TAF15: variants seen among roughly 807,000 people sequenced by gnomAD.
TAF15 encodes TATA-binding protein-associated factor 2N.
TAF15 carries 37 observed loss-of-function variants against 102.5 expected under a neutral mutation model. That is an observed-to-expected ratio of 0.36 (90% CI 0.28 to 0.47). The LOEUF is 0.47. TAF15 is among the 20% of genes least tolerant of loss of function. TAF15 has a pLI of 0.99. For missense variants in TAF15, 652 were observed against 760.7 expected, an observed-to-expected ratio of 0.86 and a Z score of 1.68; for synonymous variants, 273 against 259.2, an observed-to-expected ratio of 1.05 and a Z score of -0.51.
chr17:35,845,284 T>A (rs1391298874), intron 15 of TAF15, among the ~76,000 whole-genome samples: 2 of 152,202 alleles, frequency 1.3e-5, no homozygotes, highest in Non-Finnish European at 2.9e-5. Flanking sequence ...AGACAGGGTC[T>A]TGCTCTGTCA....
At chr17:35,827,358 C>CT (rs1415145102) in intron 7 of TAF15, among the ~76,000 whole-genome samples, 1 of 149,040 alleles carries the variant, frequency 6.7e-6, no homozygotes, top group Admixed American at 6.7e-5. Context: ...AAAAATAGTT[C>CT]TTTTGGGGGC....
intron 1 of TAF15, 102 bp downstream of exon 1, chr17:35,809,678 C>G: frequency 6.5e-7 from 1 of 1,534,448 alleles, no homozygotes; most frequent in Non-Finnish European, 9.0e-7. Flanking sequence ...AGCCTCCGGC[C>G]CTGAGGGAGG....
At chr17:35,829,368 C>T (rs1474008823) in intron 7 of TAF15, among the ~76,000 whole-genome samples, 1 of 149,938 alleles carries the variant, frequency 6.7e-6, no homozygotes, top group East Asian at 1.9e-4. Context: ...GCGTGGTAGT[C>T]ATGCCTGTGA....
intron 7 of TAF15, among the ~76,000 whole-genome samples, chr17:35,827,598 C>G (rs759528470): frequency 5.9e-5 from 9 of 151,680 alleles, no homozygotes; most frequent in Non-Finnish European, 1.2e-4. Flanking sequence ...CCCAGCTACT[C>G]GGGAGGCTGA....
intron 11 of TAF15, among the ~76,000 whole-genome samples, chr17:35,841,898 A>ACGTT (rs2087552345): frequency 6.6e-6 from 1 of 152,090 alleles, no homozygotes; most frequent in South Asian, 2.1e-4. Flanking sequence ...GGGTCTCATT[A>ACGTT]CGTTCCTCAG....
rs181636519 is a variant in TAF15, at chr17:35,844,940, A to G, written c.1641A>G (p.Gly547=). 1 of 1,611,140 alleles carries G rather than the reference A, an allele frequency of 6.2e-7. No homozygotes were observed. Among genetic ancestry groups the G allele is most frequent in the Non-Finnish European group, 8.5e-7 (1 of 1,179,076 alleles). The part of the protein sequence containing the change: ...GGSGYGGDRS[G]GYGGDRSGGG... ...GTGGCTACGGTGGAGACCGAAGTGG[A>G]GGCTATGGAGGAGACAGGAGTGGTG... The change falls in exon 15 of 16, where the codon GGA becomes GGG. Residue 547 remains glycine, a synonymous_variant. Transcript: ENST00000605844.
intron 1 of TAF15, chr17:35,811,076 C>T (rs1202075638): frequency 1.3e-5 from 2 of 152,110 alleles, no homozygotes; most frequent in Admixed American, 6.5e-5. Context: ...ATCATCTACC[C>T]GTGGTTTAAA....
rs576344019 is a variant in TAF15, at chr17:35,841,278, A to G, written c.914-1089A>G. Among the ~76,000 whole-genome samples the G allele has an allele frequency of 7.2e-5, 11 of 152,384 alleles. 1 individual carries two copies. The East Asian group carries it at 1.7e-3, about 24-fold the overall frequency. On this transcript the variant is annotated intron_variant, in intron 11 of 15. Transcript: ENST00000605844. ...TGATCTTGTGTCCCCTAGTAAGCAC[A>G]GTAGGCAATGCATATAAGCATATGT... is the stretch of plus-strand genomic sequence containing the variant.
At chr17:35,838,327 G>A in intron 10 of TAF15, 97 bp from the exon 11 acceptor site, 1 of 1,523,066 alleles carries the variant, frequency 6.6e-7, no homozygotes, top group Non-Finnish European at 9.0e-7. Flanking sequence ...ATGAATGTGT[G>A]AATTCCTTGT....
chr17:35,814,866 G>GTC (rs1196612400), intron 1 of TAF15, among the ~76,000 whole-genome samples: 43 of 150,662 alleles, frequency 2.9e-4, no homozygotes, highest in African/African-American at 9.4e-4. Flanking sequence ...AAAAAAAAGT[G>GTC]TGTGTGTATA....
In TAF15 at chr17:35,824,129, G is replaced by A. The variant is rs746261562; in HGVS notation, c.536G>A (p.Gly179Glu). 2 of 1,614,086 alleles carry A rather than the reference G, an allele frequency of 1.2e-6. No homozygotes were observed. The highest frequency in any genetic ancestry group is 1.7e-6 in the Non-Finnish European group (2 of 1,180,018). The change falls in exon 7 of 16, where the codon GGG (glycine) becomes GAG (glutamate). Residue 179 changes from glycine to glutamate, a missense_variant. Physicochemically the swap from Gly to Glu is moderately conservative, Grantham distance 98. Transcript: ENST00000605844. ...GGAGAAGATAATAGAGGATATGGCG[G>A]GTCACAGGGAGGAGGTAGAGGGCGT... Reference protein sequence around the residue: ...RYGEDNRGYGGSQGGGRGRGG... With the variant: ...RYGEDNRGYGESQGGGRGRGG...
chr17:35,843,418 C>T (rs1429730624), intron 12 of TAF15, among the ~76,000 whole-genome samples: 1 of 152,204 alleles, frequency 6.6e-6, no homozygotes, highest in African/African-American at 2.4e-5. Flanking sequence ...GCCACTGCAC[C>T]CAGCCCAGCT....
chr17:35,845,001 G>A lies in TAF15; in HGVS notation c.1702G>A (p.Gly568Arg). ...YGGDRGGGYGGDRGGYGGKMG... is the reference protein window; with the variant it reads ...YGGDRGGGYGRDRGGYGGKMG... The stretch of plus-strand genomic sequence containing the variant: ...AGGAGACCGAGGTGGGGGCTACGGA[G>A]GAGACCGAGGTGGCTATGGAGGCAA... The change falls in exon 15 of 16, where the codon GGA becomes AGA. Residue 568 changes from glycine to arginine, a missense_variant. Around this residue, in one of 3 missense-constraint regions of TAF15, gnomAD observed 368 missense variants for 367.5 expected, o/e 1.00. Transcript: ENST00000605844. 1 of 1,613,464 alleles carries A rather than the reference G, an allele frequency of 6.2e-7. No individual in the cohort carries two copies. The highest frequency in any genetic ancestry group is 8.5e-7 in the Non-Finnish European group (1 of 1,179,494).
At chr17:35,846,183 A>C (rs2087621339) in intron 15 of TAF15, among the ~76,000 whole-genome samples, 1 of 152,216 alleles carries the variant, frequency 6.6e-6, no homozygotes, top group African/African-American at 2.4e-5. Flanking sequence ...TGGGAAGCAG[A>C]CTGTCTGGGT....
Position 35,844,453 on chromosome 17 carries a change from ATTGT to A in TAF15, c.1178-20_1178-17del. Reference sequence around the variant, plus strand: ...GCTTTACGTTGTTTCTGCTGGCCTCATTGTTTGCATTTCTACCTTGCAGATTTCC... The same window carrying A: ...GCTTTACGTTGTTTCTGCTGGCCTCATTGCATTTCTACCTTGCAGATTTCC... On this transcript the variant is annotated intron_variant, in intron 14 of 15. Transcript: ENST00000605844. The A allele has an allele frequency of 6.2e-7, 1 of 1,613,018 alleles. No individual in the cohort carries two copies. Among genetic ancestry groups the A allele is most frequent in the Non-Finnish European group, 8.5e-7 (1 of 1,179,590 alleles).
At chr17:35,845,110 T>C in intron 15 of TAF15, 72 bp downstream of exon 15, 3 of 1,595,794 alleles carry the variant, frequency 1.9e-6, no homozygotes, top group Non-Finnish European at 2.6e-6. Context: ...AACCACATTT[T>C]AACAATTTTT....
rs368861464 is a variant in TAF15 at position 35,842,453 on chromosome 17, C to A, written c.1000C>A (p.Arg334=). The A allele has an allele frequency of 1.7e-5, 27 of 1,613,252 alleles. No individual in the cohort carries two copies. In the African/African-American group the frequency reaches 3.3e-4, roughly 20 times the overall value. The part of the protein sequence containing the change: ...FMRGGGSGGG[R]RGRGGYRGRG... ...GAGAGGAGGTGGAAGTGGAGGTGGGCGGCGAGGTAAGATCCTTGCTGCGTA... is the reference window on the plus strand; with the variant it reads ...GAGAGGAGGTGGAAGTGGAGGTGGGAGGCGAGGTAAGATCCTTGCTGCGTA... The change falls in exon 12 of 16, where the codon CGG becomes AGG. Residue 334 remains arginine, a synonymous_variant. Coordinates refer to ENST00000605844, the MANE Select transcript of TAF15 (RefSeq NM_139215.3).
intron 1 of TAF15, 89 bp from the exon 2 acceptor site, chr17:35,817,627 T>C: frequency 2.6e-6 from 3 of 1,155,176 alleles, no homozygotes; most frequent in Non-Finnish European, 3.8e-6. Context: ...TTACATTTTC[T>C]TACCACATTT....
intron 1 of TAF15, among the ~76,000 whole-genome samples, chr17:35,813,356 A>G (rs1568240143): frequency 6.6e-6 from 1 of 151,936 alleles, no homozygotes; most frequent in Non-Finnish European, 1.5e-5. Flanking sequence ...GAAAGATTTC[A>G]GGCATGGTGG....
Sources: gnomAD v4.1 joint callset for allele counts (sites outside exome capture counted in the v4.1 genomes callset) on GRCh38, gnomAD v4.1.1 for gene constraint, gnomAD v4.1.1 regional missense constraint, MANE v1.5 for transcripts, NCBI Gene and HGNC (gene_info 2026-07-23, HGNC 2026-07-21) for gene names.